PTPN14: variants seen among roughly 807,000 people sequenced by gnomAD.
PTPN14 encodes tyrosine-protein phosphatase non-receptor type 14.
PTPN14 carries 53 observed loss-of-function variants against 126.8 expected under a neutral mutation model. The observed-to-expected ratio is 0.42, with a 90% confidence interval of 0.34 to 0.53. The LOEUF (loss-of-function observed/expected upper bound fraction) is 0.53. PTPN14 is among the 20% of genes least tolerant of loss of function. PTPN14 has a pLI of 0.08. For synonymous variants in PTPN14, 630 were observed against 599.3 expected (o/e 1.05, Z -0.75); for missense variants, 1,257 against 1,552.9 (o/e 0.81, Z 3.20).
At chr1:214,375,770 C>T (rs1176485133) in intron 15 of PTPN14, among the ~76,000 whole-genome samples, 6 of 152,070 alleles carry the variant, frequency 3.9e-5, no homozygotes, top group Admixed American at 1.3e-4. Context: ...ATAGGACTCG[C>T]GCTTTTATAA....
At position 214,443,215 on chromosome 1, in the gene PTPN14, G is replaced by C. The variant is rs546694318; in HGVS notation, c.344+8590C>G. Among the ~76,000 whole-genome samples, 11 of 152,298 alleles carry C rather than the reference G, an allele frequency of 7.2e-5. No homozygotes were observed. The East Asian group carries it at 1.2e-3, about 16-fold the overall frequency. On this transcript the variant is annotated intron_variant, in intron 3 of 18. Transcript: ENST00000366956. ...GTATTTGGACAACTTGTACTATGAA[G>C]TAGGCATCTACTGTATAGTCTTGAT... is the stretch of plus-strand genomic sequence containing the variant.
intron 9 of PTPN14, 23 bp downstream of exon 9, chr1:214,394,876 G>A (rs915348530): frequency 8.8e-6 from 14 of 1,591,890 alleles, no homozygotes; most frequent in Non-Finnish European, 1.2e-5. Context: ...GTCAGACCCT[G>A]ACTGTTTGTC....
chr1:214,377,873 T>C, intron 14 of PTPN14, 86 bp downstream of exon 14: 1 of 1,473,486 alleles, frequency 6.8e-7, no homozygotes, highest in Non-Finnish European at 9.2e-7. Flanking sequence ...CACACAAATC[T>C]CAATGCTGGC....
In PTPN14 at chr1:214,388,540, G is replaced by T. The variant is rs148423320; in HGVS notation, c.988-1618C>A. On this transcript the variant is annotated intron_variant, in intron 11 of 18. Coordinates refer to ENST00000366956, the MANE Select transcript of PTPN14 (RefSeq NM_005401.5). Reference sequence around the variant, plus strand: ...TCATGCCTCAGCCTCCCTAGTAGCTGGGATTACAGACGCTGTGCCACCAGG... The same window carrying T: ...TCATGCCTCAGCCTCCCTAGTAGCTTGGATTACAGACGCTGTGCCACCAGG... 3.5e-3 allele frequency among the ~76,000 whole-genome samples: 539 copies of T among 152,100 alleles called. 5 individuals carry two copies. The highest frequency in any genetic ancestry group is 0.013 in the African/African-American group (522 of 41,484).
chr1:214,546,288 G>GA (rs1655967369), intron 1 of PTPN14, among the ~76,000 whole-genome samples: 1 of 152,208 alleles, frequency 6.6e-6, no homozygotes, highest in Non-Finnish European at 1.5e-5. Context: ...AAGCCCTGCA[G>GA]GTGATGCTCA....
intron 1 of PTPN14, among the ~76,000 whole-genome samples, chr1:214,467,433 T>C (rs1572018737): frequency 6.6e-6 from 1 of 152,274 alleles, no homozygotes; most frequent in East Asian, 1.9e-4. Context: ...AGAATGTGGC[T>C]GGCTTGGTAC....
At chr1:214,493,744 G>A (rs374477490) in intron 1 of PTPN14, among the ~76,000 whole-genome samples, 12 of 152,108 alleles carry the variant, frequency 7.9e-5, no homozygotes, top group African/African-American at 2.2e-4. Context: ...TGCAAGACTC[G>A]TATATATAAT....
intron 1 of PTPN14, among the ~76,000 whole-genome samples, chr1:214,468,568 A>G (rs1398524499): frequency 6.8e-6 from 1 of 147,722 alleles, no homozygotes; most frequent in African/African-American, 2.4e-5. Flanking sequence ...CAAAAAAAAG[A>G]AAAGAAAAGA....
At chr1:214,370,930 G>A (rs1395073164) in intron 16 of PTPN14, among the ~76,000 whole-genome samples, 9 of 152,114 alleles carry the variant, frequency 5.9e-5, no homozygotes, top group African/African-American at 9.7e-5. Flanking sequence ...ACATCTTTGC[G>A]GAATATGTAA....
At chr1:214,410,259 G>GT (rs1659272184) in intron 5 of PTPN14, among the ~76,000 whole-genome samples, 1 of 145,650 alleles carries the variant, frequency 6.9e-6, no homozygotes, top group Non-Finnish European at 1.5e-5. Context: ...TTCTTCTAGT[G>GT]TTTTATACTT....
At chr1:214,543,764 G>A (rs1414737630) in intron 1 of PTPN14, among the ~76,000 whole-genome samples, 1 of 151,898 alleles carries the variant, frequency 6.6e-6, no homozygotes, top group East Asian at 1.9e-4. Flanking sequence ...GACTACAGGT[G>A]CACGCCACCA....
At chr1:214,533,358 T>C (rs1655603529) in intron 1 of PTPN14, 3 of 480,998 alleles carry the variant, frequency 6.2e-6, no homozygotes, top group African/African-American at 2.0e-5. Flanking sequence ...ATCTTCAATC[T>C]TGGTGATGGA....
At position 214,492,862 on chromosome 1, in the gene PTPN14, C is replaced by T. The variant is rs1274129826; in HGVS notation, c.-154-27905G>A. On this transcript the variant is annotated intron_variant, in intron 1 of 18. Coordinates refer to ENST00000366956, the MANE Select transcript of PTPN14 (RefSeq NM_005401.5). Reference sequence around the variant, plus strand: ...GCAGTGAGCCAAGATCACACTACAGCATTCCAGCCCGGGCAAGAGAACAAG... The same window carrying T: ...GCAGTGAGCCAAGATCACACTACAGTATTCCAGCCCGGGCAAGAGAACAAG... Among the ~76,000 whole-genome samples, 3 of 149,050 alleles carry T rather than the reference C, an allele frequency of 2.0e-5. No homozygotes were observed. The East Asian group carries it at 5.9e-4, about 29-fold the overall frequency.
chr1:214,461,208 TAAA>T (rs1317913035), intron 2 of PTPN14, among the ~76,000 whole-genome samples: 1 of 152,126 alleles, frequency 6.6e-6, no homozygotes, highest in Admixed American at 6.6e-5. Context: ...AAAAATTTAA[TAAA>T]AAAATTTTAA....
intron 1 of PTPN14, among the ~76,000 whole-genome samples, chr1:214,470,227 T>C (rs1660723565): frequency 6.6e-6 from 1 of 152,108 alleles, no homozygotes; most frequent in African/African-American, 2.4e-5. Flanking sequence ...AATTTGAGAC[T>C]GCAGTGAGCT....
intron 18 of PTPN14, among the ~76,000 whole-genome samples, chr1:214,363,381 T>G (rs1475814276): frequency 6.6e-6 from 1 of 152,220 alleles, no homozygotes; most frequent in Non-Finnish European, 1.5e-5. Context: ...TGTAGCAATA[T>G]TTAATCTGAT....
intron 1 of PTPN14, among the ~76,000 whole-genome samples, chr1:214,504,079 C>A (rs17023103): frequency 0.12 from 17,986 of 152,178 alleles, 1,549 homozygotes; most frequent in East Asian, 0.28. Flanking sequence ...ACCACTTTCC[C>A]ATTCCTCCCC....
At chr1:214,398,604 G>A (rs111470447) in intron 7 of PTPN14, among the ~76,000 whole-genome samples, 30,877 of 131,046 alleles carry the variant, frequency 0.24, 3,516 homozygotes, top group East Asian at 0.27. Flanking sequence ...GCACCACCAT[G>A]CCCTGCTAAT....
Position 214,383,297 on chromosome 1 carries a change from AG to A in PTPN14, c.2544+13del. 6.3e-7 allele frequency: 1 copy of A among 1,599,002 alleles called. No homozygotes were observed. The highest frequency in any genetic ancestry group is 8.6e-7 in the Non-Finnish European group (1 of 1,168,470). On this transcript the variant is annotated intron_variant, in intron 13 of 18. Transcript: ENST00000366956. This position sits in a 1 kb window ranked among gnomAD's most constrained non-coding sequence, Gnocchi z 4.4. ...TTCACACTGGAAAATGCCCTGGGAG[AG>A]GAGGACACTCACCCTGATCATCATC...
Sources: allele counts gnomAD v4.1 joint callset (sites outside exome capture counted in the v4.1 genomes callset), GRCh38; gene constraint gnomAD v4.1.1; non-coding constraint Gnocchi (gnomAD v3.1); transcripts MANE v1.5; gene names NCBI Gene and HGNC (gene_info 2026-07-23, HGNC 2026-07-21).